TOR1A: variants seen among roughly 807,000 people sequenced by gnomAD.
TOR1A encodes the protein torsin-1A.
In TOR1A, 18 loss-of-function variants were observed where a neutral mutation model predicts 31.4. The observed-to-expected ratio is 0.57, with a 90% CI of 0.40 to 0.85. TOR1A has a LOEUF of 0.85. Among genes scored for constraint, TOR1A ranks in the 40% least tolerant of loss-of-function variants. TOR1A has a pLI of 0.00. For synonymous variants in TOR1A, 168 were observed against 165.9 expected, an observed-to-expected ratio of 1.01 and a Z score of -0.10; for missense variants, 375 against 416.4, an observed-to-expected ratio of 0.90 and a Z score of 0.87.
chr9:129,815,110 C>G (rs944700414), intron 4 of TOR1A, among the ~76,000 whole-genome samples: 1 of 152,232 alleles, frequency 6.6e-6, no homozygotes, highest in Non-Finnish European at 1.5e-5. Context: ...CGAGCCCATG[C>G]GTGTCTTCTA....
intron 4 of TOR1A, among the ~76,000 whole-genome samples, chr9:129,817,965 T>G (rs958217063): frequency 7.9e-5 from 12 of 151,592 alleles, no homozygotes; most frequent in Non-Finnish European, 1.3e-4. Flanking sequence ...TCCAGTGAGC[T>G]GAGATCACAC....
chr9:129,818,315 A>T, intron 4 of TOR1A: 1 of 741,460 alleles, frequency 1.3e-6, no homozygotes, highest in Non-Finnish European at 2.3e-6. Context: ...ATAAAAATAA[A>T]ACAGCACTTG....
chr9:129,822,544 T>C, intron 2 of TOR1A, 37 bp downstream of exon 2: 1 of 1,613,514 alleles, frequency 6.2e-7, no homozygotes, highest in Non-Finnish European at 8.5e-7. Flanking sequence ...CCAAACCCGA[T>C]GACATCCAGG....
At chr9:129,814,603 G>C (rs1000221821) in intron 4 of TOR1A, among the ~76,000 whole-genome samples, 1 of 151,712 alleles carries the variant, frequency 6.6e-6, no homozygotes, top group African/African-American at 2.4e-5. Context: ...ATGCTTCTGT[G>C]ACAGCAGAAG....
At position 129,824,093 on chromosome 9, in the gene TOR1A, C is replaced by A; in HGVS notation, c.-8G>T. ...GGCCCGGCCCAGCTTCATGCCCGGA[C>A]CCGCGCCACCCTGCTTGTTCTCGCG... On this transcript the variant is annotated 5_prime_UTR_variant, in exon 1 of 5. Coordinates refer to ENST00000351698, the MANE Select transcript of TOR1A (RefSeq NM_000113.3). The A allele has an allele frequency of 6.4e-7, 1 of 1,564,556 alleles. No homozygotes were observed. The highest frequency in any genetic ancestry group is 1.9e-4 in the Middle Eastern group (1 of 5,200).
At position 129,822,587 on chromosome 9, in the gene TOR1A, C is replaced by T; in HGVS notation, c.438G>A (p.Leu146=). The T allele has an allele frequency of 6.2e-7, 1 of 1,614,142 alleles. No homozygotes were observed. The highest frequency in any genetic ancestry group is 8.5e-7 in the Non-Finnish European group (1 of 1,180,040). The change falls in exon 2 of 5, where the codon TTG becomes TTA. Residue 146 remains leucine, a synonymous_variant. Coordinates refer to ENST00000351698, the MANE Select transcript of TOR1A (RefSeq NM_000113.3). ...LHFPHASNIT[L]YKDQLQLWIR... Reference sequence around the variant, plus strand: ...TCCAAACTTCCATCCTTGCCTTGTACAAGGTGATGTTTGAAGCATGTGGAA... The same window carrying T: ...TCCAAACTTCCATCCTTGCCTTGTATAAGGTGATGTTTGAAGCATGTGGAA...
Position 129,814,054 on chromosome 9 carries a change from A to G in TOR1A, c.917T>C (p.Phe306Ser). Reference protein sequence around the residue: ...IVSRVAEEMTFFPKEERVFSD... With the variant: ...IVSRVAEEMTSFPKEERVFSD... Reference sequence around the variant, plus strand: ...GAAAACTCTCTCCTCTTTGGGGAAAAATGTCATCTCCTCAGCCACTCTGCT... The same window carrying G: ...GAAAACTCTCTCCTCTTTGGGGAAAGATGTCATCTCCTCAGCCACTCTGCT... The change falls in exon 5 of 5, where the codon TTT (phenylalanine) becomes TCT (serine). Residue 306 changes from phenylalanine to serine, a missense_variant. Transcript: ENST00000351698. 6.2e-7 allele frequency: 1 copy of G among 1,614,102 alleles called. No homozygotes were observed. Among genetic ancestry groups the G allele is most frequent in the Non-Finnish European group, 8.5e-7 (1 of 1,180,024 alleles).
intron 4 of TOR1A, 162 bp downstream of exon 4, chr9:129,818,358 G>GT: frequency 9.3e-7 from 1 of 1,075,144 alleles, no homozygotes; most frequent in East Asian, 2.4e-5. Flanking sequence ...GTTACCTGGA[G>GT]TTCATCAGCA....
chr9:129,822,684 ATC>A lies in TOR1A; in HGVS notation c.339_340del (p.Lys113AsnfsTer14). 1 of 1,614,220 alleles carries A rather than the reference ATC, an allele frequency of 6.2e-7. No homozygotes were observed. Among genetic ancestry groups the A allele is most frequent in the African/African-American group, 1.3e-5 (1 of 75,054 alleles). ...ACCCTCGTAAATATTCTCTGCGATG[ATC>A]TTGCTGACGAAATTTTTGCCGGTGC... is the stretch of plus-strand genomic sequence containing the variant. On this transcript the variant is annotated frameshift_variant, in exon 2 of 5. Coordinates refer to ENST00000351698, the MANE Select transcript of TOR1A (RefSeq NM_000113.3). LOFTEE classifies it high-confidence loss of function.
At chr9:129,816,297 A>G (rs529328689) in intron 4 of TOR1A, among the ~76,000 whole-genome samples, 1 of 151,980 alleles carries the variant, frequency 6.6e-6, no homozygotes, top group Non-Finnish European at 1.5e-5. Flanking sequence ...TGTCCACTCT[A>G]TTAAAGCAGA....
At chr9:129,817,217 C>T (rs1402341259) in intron 4 of TOR1A, among the ~76,000 whole-genome samples, 1 of 152,172 alleles carries the variant, frequency 6.6e-6, no homozygotes, top group Non-Finnish European at 1.5e-5. Flanking sequence ...GAGTGAAATC[C>T]GCAGGCAGGC....
Position 129,813,548 on chromosome 9 carries a change from TA to T in TOR1A, c.*423del, listed in dbSNP as rs573629050. The T allele has an allele frequency of 0.014, 4,194 of 293,254 alleles. 50 individuals carry two copies. The highest frequency in any genetic ancestry group is 0.02 in the East Asian group (210 of 10,534). 18.2% of individuals were successfully genotyped at this position (293,254 alleles called of 1,614,324 possible). A position where few individuals can be genotyped will look rare whatever the true frequency, so the allele number is the denominator to read the frequency against. ...AGTCTATGTAATAATGATGAGAACT[TA>T]AAAAAAAACACACACACAAGGCCAA... On this transcript the variant is annotated 3_prime_UTR_variant, in exon 5 of 5. Coordinates refer to ENST00000351698, the MANE Select transcript of TOR1A (RefSeq NM_000113.3).
At chr9:129,819,045 A>G (rs1239101747) in intron 2 of TOR1A, 125 bp from the exon 3 acceptor site, 2 of 1,080,262 alleles carry the variant, frequency 1.9e-6, no homozygotes, top group Admixed American at 2.0e-5. Flanking sequence ...AGAACTTTAC[A>G]TGCCCAAAAT....
At chr9:129,814,419 C>A (rs981076221) in intron 4 of TOR1A, among the ~76,000 whole-genome samples, 197 bp from the exon 5 acceptor site, 31 of 150,028 alleles carry the variant, frequency 2.1e-4, no homozygotes. Flanking sequence ...CCCTCCCATC[C>A]ATCCCATACA....
At chr9:129,816,393 G>A (rs1389566376) in intron 4 of TOR1A, among the ~76,000 whole-genome samples, 1 of 152,156 alleles carries the variant, frequency 6.6e-6, no homozygotes, top group Non-Finnish European at 1.5e-5. Context: ...ATGTCCACAT[G>A]TGTACATGTG....
At chr9:129,823,825 C>G in intron 1 of TOR1A, 83 bp downstream of exon 1, 5 of 1,495,104 alleles carry the variant, frequency 3.3e-6, no homozygotes, top group Non-Finnish European at 3.6e-6. Context: ...CCTCCATTCT[C>G]CATGCCCTGG....
chr9:129,813,875 T>G lies in TOR1A; in HGVS notation c.*97A>C. ...CAAACAGGAACATTCACTGGATTCCTCTTCCAGGGAAAGGAGCTGGGGGTG... is the reference window on the plus strand; with the variant it reads ...CAAACAGGAACATTCACTGGATTCCGCTTCCAGGGAAAGGAGCTGGGGGTG... On this transcript the variant is annotated 3_prime_UTR_variant, in exon 5 of 5. Coordinates refer to ENST00000351698, the MANE Select transcript of TOR1A (RefSeq NM_000113.3). 6.6e-7 allele frequency: 1 copy of G among 1,514,512 alleles called. No individual in the cohort carries two copies. The highest frequency in any genetic ancestry group is 1.1e-5 in the South Asian group (1 of 88,588). The allele number at this position is 1,514,512 out of a possible 1,614,324, so 93.8% of individuals were successfully genotyped here. A position where few individuals can be genotyped will look rare whatever the true frequency, so the allele number is the denominator to read the frequency against.
Position 129,814,180 on chromosome 9 carries a change from T to C in TOR1A, c.791A>G (p.Asp264Gly), listed in dbSNP as rs1463399739. 1 of 1,614,026 alleles carries C rather than the reference T, an allele frequency of 6.2e-7. No homozygotes were observed. Among genetic ancestry groups the C allele is most frequent in the Non-Finnish European group, 8.5e-7 (1 of 1,179,974 alleles). ...HSSLIDRNLI[D>G]YFVPFLPLEY... ...CAGGGGGAGGAAGGGAACAAAATAA[T>C]CAATGAGGTTCCGGTCAATTAAGCT... Residue 264 changes from aspartate to glycine, a missense_variant, in exon 5 of 5, where the codon GAT (aspartate) becomes GGT (glycine). Physicochemically the swap from Asp to Gly is moderately conservative, Grantham distance 94 (BLOSUM62 -1). Coordinates refer to ENST00000351698, the MANE Select transcript of TOR1A (RefSeq NM_000113.3).
intron 2 of TOR1A, 23 bp from the exon 3 acceptor site, chr9:129,818,943 G>A (rs201899335): frequency 3.7e-5 from 60 of 1,608,782 alleles, no homozygotes; most frequent in Non-Finnish European, 4.9e-5. Context: ...GGGAAAAAGC[G>A]AACACAAAGT....
Sources: allele counts gnomAD v4.1 joint callset (sites outside exome capture counted in the v4.1 genomes callset), GRCh38; gene constraint gnomAD v4.1.1; transcripts MANE v1.5; gene names NCBI Gene and HGNC (gene_info 2026-07-23, HGNC 2026-07-21).